DCAF8L2: variants seen among roughly 807,000 people sequenced by gnomAD.
DCAF8L2 encodes DDB1 and CUL4 associated factor 8 like 2, also known as DDB1- and CUL4-associated factor 8-like protein 2.
For missense variants in DCAF8L2, 430 were observed against 490.7 expected, an observed-to-expected ratio of 0.88 and a Z score of 1.17; for synonymous variants, 200 against 190.9, an observed-to-expected ratio of 1.05 and a Z score of -0.39.
At chrX:27,597,188 A>T (rs1321568702) in intron 1 of DCAF8L2, among the ~76,000 whole-genome samples, 2 of 112,225 alleles carry the variant, frequency 1.8e-5, no homozygotes, top group African/African-American at 6.5e-5. Flanking sequence ...TATACATTTT[A>T]CAATGTATTT....
intron 3 of DCAF8L2, among the ~76,000 whole-genome samples, chrX:27,697,573 T>C (rs1423378041): frequency 1.8e-5 from 2 of 111,543 alleles, no homozygotes; most frequent in Non-Finnish European, 3.8e-5. Context: ...ACAAAATAGA[T>C]AAATTTTACC....
chrX:27,664,966 G>C (rs1211802151), intron 2 of DCAF8L2, among the ~76,000 whole-genome samples: 1 of 111,143 alleles, frequency 9.0e-6, no homozygotes, highest in Non-Finnish European at 1.9e-5. Context: ...CAAGAGCTCT[G>C]ATGGAAATAT....
At chrX:27,473,634 A>G in the DCAF8L2 span, among the ~76,000 whole-genome samples, 1 of 109,495 alleles carries the variant, frequency 9.1e-6, no homozygotes, top group Non-Finnish European at 1.9e-5. Flanking sequence ...CTATTAATCT[A>G]CCTTTTTGGG....
chrX:27,661,332 T>G (rs977514544), intron 2 of DCAF8L2, among the ~76,000 whole-genome samples: 1 of 111,974 alleles, frequency 8.9e-6, no homozygotes, highest in Non-Finnish European at 1.9e-5. Context: ...CTTGCATTTC[T>G]GTGCCTCAGA....
At chrX:27,569,940 A>T in the DCAF8L2 span, among the ~76,000 whole-genome samples, 1 of 112,079 alleles carries the variant, frequency 8.9e-6, no homozygotes, top group Non-Finnish European at 1.9e-5. Context: ...AGTATAATGT[A>T]ATATTTTTAG....
At chrX:27,577,422 T>C in the DCAF8L2 span, among the ~76,000 whole-genome samples, 2 of 111,920 alleles carry the variant, frequency 1.8e-5, no homozygotes, top group Admixed American at 9.5e-5. Context: ...GCATTCTTCC[T>C]TCCCCTGGAA....
At chrX:27,570,242 T>C in the DCAF8L2 span, among the ~76,000 whole-genome samples, 1 of 110,919 alleles carries the variant, frequency 9.0e-6, no homozygotes, top group African/African-American at 3.3e-5. Flanking sequence ...AGTTCAATGG[T>C]ATCTTTTGGG....
intron 4 of DCAF8L2, among the ~76,000 whole-genome samples, chrX:27,730,699 C>T (rs896749805): frequency 1.0e-5 from 1 of 100,305 alleles, no homozygotes; most frequent in Non-Finnish European, 2.0e-5. Context: ...ATTACAGCTG[C>T]GCACAGCCAC....
intron 2 of DCAF8L2, among the ~76,000 whole-genome samples, chrX:27,672,295 G>C (rs138987536): frequency 1.8e-5 from 2 of 111,699 alleles, no homozygotes; most frequent in East Asian, 5.7e-4. Context: ...CAGGGCCCGG[G>C]CCATTTGGGT....
the DCAF8L2 span, among the ~76,000 whole-genome samples, chrX:27,546,023 C>A: frequency 8.9e-6 from 1 of 111,736 alleles, no homozygotes; most frequent in African/African-American, 3.3e-5. Context: ...GTCCACAGTT[C>A]AAAGTCTTAT....
chrX:27,649,566 T>C (rs1929072253), intron 2 of DCAF8L2, among the ~76,000 whole-genome samples: 1 of 112,159 alleles, frequency 8.9e-6, no homozygotes. Context: ...ATTAGTGGTG[T>C]TGAGCATTTT....
At chrX:27,581,568 T>C in the DCAF8L2 span, among the ~76,000 whole-genome samples, 1 of 105,962 alleles carries the variant, frequency 9.4e-6, no homozygotes, top group East Asian at 3.0e-4. Context: ...TTTCTTGTTC[T>C]AGCAGCTTGG....
intron 4 of DCAF8L2, among the ~76,000 whole-genome samples, chrX:27,743,129 T>C (rs1329015391): frequency 9.0e-6 from 1 of 111,207 alleles, no homozygotes; most frequent in African/African-American, 3.3e-5. Context: ...TGACCCAGGC[T>C]GGAGTGCAGT....
At chrX:27,674,471 C>T (rs1000709673) in intron 2 of DCAF8L2, among the ~76,000 whole-genome samples, 3 of 111,288 alleles carry the variant, frequency 2.7e-5, no homozygotes, top group Non-Finnish European at 5.6e-5. Context: ...AAATAGAATG[C>T]ATCACCTCTG....
intron 2 of DCAF8L2, among the ~76,000 whole-genome samples, chrX:27,648,986 C>T (rs927085156): frequency 9.0e-6 from 1 of 111,665 alleles, no homozygotes; most frequent in African/African-American, 3.2e-5. Context: ...TAACATCACC[C>T]GGAAATGTTT....
chrX:27,698,336 T>C (rs1205514754), intron 3 of DCAF8L2, among the ~76,000 whole-genome samples: 1 of 111,756 alleles, frequency 8.9e-6, no homozygotes, highest in African/African-American at 3.3e-5. Context: ...GCCAAAAATA[T>C]CAGATAGTCA....
At chrX:27,725,014 A>C (rs1932022518) in intron 4 of DCAF8L2, among the ~76,000 whole-genome samples, 1 of 111,521 alleles carries the variant, frequency 9.0e-6, no homozygotes, top group Admixed American at 9.6e-5. Flanking sequence ...AAACAAATAA[A>C]ATATAATATT....
At chrX:27,489,643 A>G in the DCAF8L2 span, among the ~76,000 whole-genome samples, 3 of 111,947 alleles carry the variant, frequency 2.7e-5, no homozygotes, top group African/African-American at 9.7e-5. Context: ...TATTTGGGTG[A>G]AGTTTTCACA....
chrX:27,494,203 C>G, the DCAF8L2 span, among the ~76,000 whole-genome samples: 1 of 110,705 alleles, frequency 9.0e-6, no homozygotes, highest in Non-Finnish European at 1.9e-5. Context: ...GTCAGGAGTT[C>G]AAGACCAGCC....
Sources: gnomAD v4.1 joint callset for allele counts (sites outside exome capture counted in the v4.1 genomes callset) on GRCh38, gnomAD v4.1.1 for gene constraint, MANE v1.5 for transcripts, NCBI Gene and HGNC (gene_info 2026-07-23, HGNC 2026-07-21) for gene names.